The following PMEPA1 variants were observed in gnomAD, a reference collection of about 807,000 sequenced individuals.
PMEPA1 encodes protein TMEPAI.
Under a neutral mutation model 23.0 loss-of-function variants are expected in PMEPA1, and 11 were observed. That is an observed-to-expected ratio of 0.48 (90% CI 0.30 to 0.79). The LOEUF is 0.79. Among genes scored for constraint, PMEPA1 ranks in the 30% least tolerant of loss-of-function variants. The pLI is 0.06. For missense variants in PMEPA1, 377 were observed against 390.9 expected (o/e 0.96, Z 0.30); for synonymous variants, 204 against 166.4 (o/e 1.23, Z -1.74).
chr20:57,695,591 G>A (rs1349428683), intron 1 of PMEPA1, among the ~76,000 whole-genome samples: 1 of 152,188 alleles, frequency 6.6e-6, no homozygotes, highest in African/African-American at 2.4e-5. Flanking sequence ...TCAGAAGTTC[G>A]AGACCAGTCT....
At chr20:57,702,969 C>T (rs2072032182) in intron 1 of PMEPA1, among the ~76,000 whole-genome samples, 1 of 152,222 alleles carries the variant, frequency 6.6e-6, no homozygotes. Context: ...TGCTGAAGCC[C>T]CTGCCCTGGC....
intron 1 of PMEPA1, among the ~76,000 whole-genome samples, chr20:57,679,708 A>G (rs1274325708): frequency 6.6e-6 from 1 of 152,044 alleles, no homozygotes; most frequent in Non-Finnish European, 1.5e-5. Flanking sequence ...TGAATTTGTT[A>G]TGCTGGAAGG....
At chr20:57,699,235 C>G (rs1209795763) in intron 1 of PMEPA1, among the ~76,000 whole-genome samples, 1 of 152,176 alleles carries the variant, frequency 6.6e-6, no homozygotes, top group Non-Finnish European at 1.5e-5. Context: ...AAGAAGGAGC[C>G]AACCTGAGCT....
intron 1 of PMEPA1, among the ~76,000 whole-genome samples, chr20:57,674,338 C>T (rs1465235402): frequency 1.3e-5 from 2 of 152,196 alleles, no homozygotes; most frequent in Admixed American, 1.3e-4. Flanking sequence ...ATCTACAAGC[C>T]ACAAAGCAGT....
chr20:57,700,931 G>A (rs1257245730), intron 1 of PMEPA1, among the ~76,000 whole-genome samples: 1 of 152,094 alleles, frequency 6.6e-6, no homozygotes, highest in Non-Finnish European at 1.5e-5. Flanking sequence ...TTGGGAGACT[G>A]AGGCAGGAGA....
At chr20:57,696,208 A>G (rs1300016853) in intron 1 of PMEPA1, among the ~76,000 whole-genome samples, 1 of 152,058 alleles carries the variant, frequency 6.6e-6, no homozygotes, top group Admixed American at 6.5e-5. Flanking sequence ...CATCCCTTAA[A>G]CCAAGTGACA....
Position 57,709,830 on chromosome 20 carries a change from G to A in PMEPA1, c.-248C>T. 1.0e-6 allele frequency: 1 copy of A among 985,914 alleles called. No individual in the cohort carries two copies. Among genetic ancestry groups the A allele is most frequent in the Non-Finnish European group, 1.2e-6 (1 of 830,672 alleles). 61.1% of individuals were successfully genotyped at this position (985,914 alleles called of 1,614,324 possible). A position where few individuals can be genotyped will look rare whatever the true frequency, so the allele number is the denominator to read the frequency against. Reference sequence around the variant, plus strand: ...CCGGGGGCGTCGGCAGTGCCCGCGGGTGGCGTCCGGAAAATGGGCTGGCAG... The same window carrying A: ...CCGGGGGCGTCGGCAGTGCCCGCGGATGGCGTCCGGAAAATGGGCTGGCAG... On this transcript the variant is annotated 5_prime_UTR_variant, in exon 1 of 4. Coordinates refer to ENST00000341744, the MANE Select transcript of PMEPA1 (RefSeq NM_020182.5).
chr20:57,652,548 G>GGGC lies in PMEPA1; in HGVS notation c.366_368dup (p.Pro123dup). On this transcript the variant is annotated inframe_insertion, in exon 4 of 4. Coordinates refer to ENST00000341744, the MANE Select transcript of PMEPA1 (RefSeq NM_020182.5). This position sits in a 1 kb window ranked among gnomAD's most constrained non-coding sequence, Gnocchi z 6.1. ...GGTGGAAGCGCTCCCGCTGGGCGAA[G>GGGC]GGCGGCACGGCCAGGCGGTCGGTGG... The GGGC allele has an allele frequency of 6.5e-7, 1 of 1,538,632 alleles. No individual in the cohort carries two copies. The highest frequency in any genetic ancestry group is 8.8e-7 in the Non-Finnish European group (1 of 1,142,120).
rs981886597 is a variant in PMEPA1 at position 57,704,363 on chromosome 20, T to C, written c.109+5111A>G. ...CCCTGGCACAGCATGGTACCATCCT[T>C]GTCACTCCAGAGGGTGCATGAAGAG... On this transcript the variant is annotated intron_variant, in intron 1 of 3. Coordinates refer to ENST00000341744, the MANE Select transcript of PMEPA1 (RefSeq NM_020182.5). The surrounding 1 kb of genome is among the most constrained non-coding windows in gnomAD (Gnocchi z 4.6). Among the ~76,000 whole-genome samples, 1 of 152,118 alleles carries C rather than the reference T, an allele frequency of 6.6e-6. No homozygotes were observed. Among genetic ancestry groups the C allele is most frequent in the Non-Finnish European group, 1.5e-5 (1 of 68,026 alleles).
chr20:57,696,804 G>A (rs773804948), intron 1 of PMEPA1, among the ~76,000 whole-genome samples: 3 of 152,240 alleles, frequency 2.0e-5, no homozygotes, highest in Non-Finnish European at 4.4e-5. Flanking sequence ...GCCGCGAAGC[G>A]CTCAGAGCAG....
At chr20:57,661,752 G>A (rs376312019) in intron 1 of PMEPA1, among the ~76,000 whole-genome samples, 1 of 152,180 alleles carries the variant, frequency 6.6e-6, no homozygotes, top group Non-Finnish European at 1.5e-5. Context: ...CACCAGCCTC[G>A]CTCTCCCCAA....
At chr20:57,674,967 G>A (rs560285644) in intron 1 of PMEPA1, among the ~76,000 whole-genome samples, 5 of 152,350 alleles carry the variant, frequency 3.3e-5, no homozygotes, top group African/African-American at 9.6e-5. Context: ...TTCTAAAGCC[G>A]TTCTGACCAC....
chr20:57,710,508 C>T (rs533890819), upstream of PMEPA1: 1 of 1,597,426 alleles, frequency 6.3e-7, no homozygotes. Context: ...TCTCCAGCAG[C>T]TCGGGGATCA....
chr20:57,668,386 G>A (rs1243714359), intron 1 of PMEPA1, among the ~76,000 whole-genome samples: 2 of 152,186 alleles, frequency 1.3e-5, no homozygotes, highest in Admixed American at 1.3e-4. Context: ...AGAAGAAAAC[G>A]GAGAGATAAC....
At position 57,655,039 on chromosome 20, in the gene PMEPA1, C is replaced by T. The variant is rs2071307695; in HGVS notation, c.265-1953G>A. Among the ~76,000 whole-genome samples, 2 of 151,456 alleles carry T rather than the reference C, an allele frequency of 1.3e-5. No homozygotes were observed. Among genetic ancestry groups the T allele is most frequent in the African/African-American group, 4.9e-5 (2 of 40,996 alleles). On this transcript the variant is annotated intron_variant, in intron 2 of 3. Coordinates refer to ENST00000341744, the MANE Select transcript of PMEPA1 (RefSeq NM_020182.5). The surrounding 1 kb of genome is among the most constrained non-coding windows in gnomAD (Gnocchi z 4.2). ...CCAACCCCTTACCGAGGCCCATACC[C>T]CCTAGATGTCCACGGCCGTAGTATA...
At chr20:57,686,233 A>G (rs1002401373) in intron 1 of PMEPA1, among the ~76,000 whole-genome samples, 1 of 152,202 alleles carries the variant, frequency 6.6e-6, no homozygotes, top group Admixed American at 6.5e-5. Context: ...TGGGACTGTC[A>G]GCTTCCAATC....
intron 1 of PMEPA1, among the ~76,000 whole-genome samples, chr20:57,667,860 C>A (rs759115452): frequency 2.0e-5 from 3 of 152,008 alleles, no homozygotes; most frequent in African/African-American, 4.8e-5. Context: ...TGCCACCCCA[C>A]CCCAGCCCCC....
rs909035327 is a variant in PMEPA1, at chr20:57,683,819, G to A, written c.110-24122C>T. Among the ~76,000 whole-genome samples, 24 of 151,680 alleles carry A rather than the reference G, an allele frequency of 1.6e-4. No homozygotes were observed. Among genetic ancestry groups the A allele is most frequent in the East Asian group, 3.9e-4 (2 of 5,152 alleles). On this transcript the variant is annotated intron_variant, in intron 1 of 3. Coordinates refer to ENST00000341744, the MANE Select transcript of PMEPA1 (RefSeq NM_020182.5). The surrounding 1 kb of genome is among the most constrained non-coding windows in gnomAD (Gnocchi z 4.3). ...AGAGTTCTTGGAGTTCTCGGCCTCC[G>A]AAGCACACTGTCCAGCCACCTGCAC...
chr20:57,685,820 G>C (rs548499484), intron 1 of PMEPA1, among the ~76,000 whole-genome samples: 11 of 152,290 alleles, frequency 7.2e-5, no homozygotes, highest in Admixed American at 7.2e-4. Flanking sequence ...GCAAAAAAAG[G>C]TTACATGAAA....
Sources: allele counts gnomAD v4.1 joint callset (sites outside exome capture counted in the v4.1 genomes callset), GRCh38; gene constraint gnomAD v4.1.1; non-coding constraint Gnocchi (gnomAD v3.1); transcripts MANE v1.5; gene names NCBI Gene and HGNC (gene_info 2026-07-23, HGNC 2026-07-21).